Variants in OVCH1 observed in about 807,000 individuals in gnomAD.
OVCH1 encodes the protein ovochymase-1.
A neutral mutation model predicts 138.4 loss-of-function variants in OVCH1; 139 were observed. The ratio of observed to expected loss-of-function variants is 1.00; its 90% CI spans 0.87 to 1.16. The LOEUF (loss-of-function observed/expected upper bound fraction) is 1.16. Ranked by LOEUF, OVCH1 falls within the 50% of genes most tolerant of loss-of-function variation. The pLI is 0.00. For synonymous variants in OVCH1, 453 were observed against 467.8 expected (o/e 0.97, Z 0.41); for missense variants, 1,367 against 1,357.9 (o/e 1.01, Z -0.11).
intron 3 of OVCH1, among the ~76,000 whole-genome samples, chr12:29,419,428 C>T (rs1941073396): frequency 6.7e-6 from 1 of 148,480 alleles, no homozygotes. Flanking sequence ...GCTGGGACTA[C>T]AGGTGCCCGC....
intron 1 of OVCH1, 131 bp from the exon 2 acceptor site, chr12:29,496,805 T>C (rs1482139562): frequency 1.6e-6 from 1 of 642,954 alleles, no homozygotes; most frequent in Non-Finnish European, 2.7e-6. Flanking sequence ...GACTACCACA[T>C]TCTTCTCTCA....
intron 9 of OVCH1, among the ~76,000 whole-genome samples, chr12:29,477,783 G>A (rs1031641617): frequency 8.5e-5 from 13 of 152,070 alleles, no homozygotes; most frequent in South Asian, 8.3e-4. Flanking sequence ...TTGAATCAGC[G>A]CAGCACTTCC....
intron 8 of OVCH1, among the ~76,000 whole-genome samples, chr12:29,481,743 A>T (rs573599496): frequency 2.0e-5 from 3 of 152,322 alleles, no homozygotes; most frequent in African/African-American, 7.2e-5. Context: ...ATCAAAACAA[A>T]GTGCCTCTCT....
In OVCH1 at chr12:29,473,112, GAAAAA is replaced by G; in HGVS notation, c.1601-14_1601-10del. 1 of 1,559,908 alleles carries G rather than the reference GAAAAA, an allele frequency of 6.4e-7. No individual in the cohort carries two copies. ...AAATTTGTTTAAAGACTCTGTAGAAGAAAAAAAAATTAATTGAAAGTAATTAGAGA... is the reference window on the plus strand; with the variant it reads ...AAATTTGTTTAAAGACTCTGTAGAAGAAAATTAATTGAAAGTAATTAGAGA... On this transcript the variant is annotated splice_polypyrimidine_tract_variant and intron_variant, in intron 14 of 27. Coordinates refer to ENST00000318184, the Ensembl canonical transcript of OVCH1.
intron 22 of OVCH1, among the ~76,000 whole-genome samples, chr12:29,450,531 G>A (rs2041277678): frequency 6.6e-6 from 1 of 152,210 alleles, no homozygotes; most frequent in Non-Finnish European, 1.5e-5. Context: ...TGCTGGAGAG[G>A]ATGTGGAAAA....
chr12:29,442,775 C>G (rs559338622), intron 25 of OVCH1, among the ~76,000 whole-genome samples: 1 of 151,728 alleles, frequency 6.6e-6, no homozygotes, highest in South Asian at 2.1e-4. Context: ...GTAATGTCAG[C>G]TAAAGTATGA....
At chr12:29,494,306 G>A (rs1254957816) in intron 4 of OVCH1, among the ~76,000 whole-genome samples, 2 of 152,052 alleles carry the variant, frequency 1.3e-5, no homozygotes, top group Non-Finnish European at 2.9e-5. Flanking sequence ...CTCTGGACTT[G>A]TGCTTTGTTT....
intron 26 of OVCH1, among the ~76,000 whole-genome samples, chr12:29,437,810 C>T (rs1941392545): frequency 6.6e-6 from 1 of 152,178 alleles, no homozygotes; most frequent in African/African-American, 2.4e-5. Context: ...CTCAAAAGCA[C>T]TTGGGTCAAC....
intron 15 of OVCH1, 111 bp from the exon 16 acceptor site, chr12:29,472,093 TATA>T: frequency 8.8e-7 from 1 of 1,135,384 alleles, no homozygotes; most frequent in Non-Finnish European, 1.2e-6. Context: ...AGATAGGCTT[TATA>T]ATAATATTGA....
intron 3 of OVCH1, among the ~76,000 whole-genome samples, chr12:29,413,380 A>G (rs1309938222): frequency 1.3e-5 from 2 of 152,156 alleles, no homozygotes; most frequent in East Asian, 3.9e-4. Flanking sequence ...ATGTGCCTCT[A>G]GGACATCACC....
chr12:29,411,148 C>T (rs367797108), downstream of OVCH1, among the ~76,000 whole-genome samples: 9 of 97,260 alleles, frequency 9.3e-5, 2 homozygotes, highest in East Asian at 2.3e-3. Context: ...CCTTGGCTTT[C>T]AGCTCCGTCA....
intron 25 of OVCH1, among the ~76,000 whole-genome samples, chr12:29,442,938 A>C (rs1354701831): frequency 1.3e-5 from 2 of 150,248 alleles, no homozygotes; most frequent in South Asian, 2.1e-4. Flanking sequence ...GATTTGTGCC[A>C]AAAAAAAAGA....
rs1273631891 is a variant in OVCH1, at chr12:29,449,294, C to CAT, written c.2755+2050_2755+2051insAT. Among the ~76,000 whole-genome samples the CAT allele has an allele frequency of 8.3e-5, 12 of 143,934 alleles. No homozygotes were observed. The South Asian group carries it at 2.3e-3, about 28-fold the overall frequency. The allele number at this position is 143,934 out of a possible 152,430, so 94.4% of individuals were successfully genotyped here. Reference sequence around the variant, plus strand: ...CCCTCCCTACACACACACACACACACACACACACACACACACACACACACA... The same window carrying CAT: ...CCCTCCCTACACACACACACACACACATACACACACACACACACACACACACA... On this transcript the variant is annotated intron_variant, in intron 22 of 27. Coordinates refer to ENST00000318184, the Ensembl canonical transcript of OVCH1.
At chr12:29,421,963 T>C (rs901091348) in intron 3 of OVCH1, among the ~76,000 whole-genome samples, 1 of 152,164 alleles carries the variant, frequency 6.6e-6, no homozygotes, top group Non-Finnish European at 1.5e-5. Context: ...TTTTCAGATA[T>C]GTATAAAACA....
downstream of OVCH1, chr12:29,427,531 C>T (rs1941199304): frequency 6.5e-7 from 1 of 1,549,488 alleles, no homozygotes; most frequent in Non-Finnish European, 8.7e-7. Flanking sequence ...GGTTAGAGGC[C>T]TCTTCCTCCA....
At chr12:29,482,616 GATT>G (rs1942969643) in intron 8 of OVCH1, among the ~76,000 whole-genome samples, 1 of 152,174 alleles carries the variant, frequency 6.6e-6, no homozygotes, top group South Asian at 2.1e-4. Flanking sequence ...GAAATTTGTT[GATT>G]ATTTGGGATA....
At chr12:29,467,235 A>G (rs1942352529) in intron 16 of OVCH1, among the ~76,000 whole-genome samples, 1 of 152,198 alleles carries the variant, frequency 6.6e-6, no homozygotes, top group African/African-American at 2.4e-5. Flanking sequence ...TCTACTCCAC[A>G]TCTTTATATA....
rs1461469326 is a variant in OVCH1 at position 29,491,068 on chromosome 12, A to G, written c.550+29T>C. Reference sequence around the variant, plus strand: ...CCCTGGACATACAGAGAGCTGGAAGAAGTATTAAGTCATTTTGGTGTCTCT... The same window carrying G: ...CCCTGGACATACAGAGAGCTGGAAGGAGTATTAAGTCATTTTGGTGTCTCT... On this transcript the variant is annotated intron_variant, in intron 5 of 27. Transcript: ENST00000318184. The G allele has an allele frequency of 3.9e-6, 6 of 1,555,204 alleles. No homozygotes were observed. In the South Asian group the frequency reaches 6.7e-5, roughly 17 times the overall value.
chr12:29,468,726 A>C (rs2135996998), intron 16 of OVCH1, among the ~76,000 whole-genome samples: 1 of 152,300 alleles, frequency 6.6e-6, no homozygotes, highest in African/African-American at 2.4e-5. Flanking sequence ...GTACTGAATT[A>C]GCATTGAAAA....
Sources: allele counts gnomAD v4.1 joint callset (sites outside exome capture counted in the v4.1 genomes callset), GRCh38; gene constraint gnomAD v4.1.1; transcripts MANE v1.5; gene names NCBI Gene and HGNC (gene_info 2026-07-23, HGNC 2026-07-21).